The following ARHGEF12 variants were observed in gnomAD, a reference collection of about 807,000 sequenced individuals.
ARHGEF12 encodes KMT2A/ARHGEF12 fusion protein.
In ARHGEF12, 66 loss-of-function variants were observed where a neutral mutation model predicts 211.2. That is an observed-to-expected ratio of 0.31 (90% CI 0.26 to 0.38). The LOEUF (loss-of-function observed/expected upper bound fraction) is 0.38, where lower values mean the gene tolerates loss of function less well. ARHGEF12 is among the 10% of genes least tolerant of loss of function. The pLI, the probability that ARHGEF12 is intolerant of heterozygous loss-of-function variation, is 1.00. For synonymous variants in ARHGEF12, 592 were observed against 638.4 expected (o/e 0.93, Z 1.09); for missense variants, 1,429 against 1,869.5 (o/e 0.76, Z 4.34).
intron 1 of ARHGEF12, among the ~76,000 whole-genome samples, chr11:120,374,142 G>A (rs989077432): frequency 6.6e-6 from 1 of 152,182 alleles, no homozygotes; most frequent in Non-Finnish European, 1.5e-5. Context: ...ATAGCTAAAT[G>A]TCTTTCCATC....
intron 1 of ARHGEF12, among the ~76,000 whole-genome samples, chr11:120,379,315 A>G (rs998117816): frequency 6.6e-6 from 1 of 151,910 alleles, no homozygotes; most frequent in African/African-American, 2.4e-5. Context: ...CTTTTTTTAT[A>G]TAGATCTCTG....
intron 12 of ARHGEF12, 34 bp downstream of exon 12, chr11:120,437,416 C>T: frequency 1.3e-6 from 2 of 1,542,660 alleles, no homozygotes; most frequent in African/African-American, 2.7e-5. Context: ...ATAGTGCTGT[C>T]TTTGGCTTTC....
chr11:120,441,653 G>A (rs2033791342), intron 13 of ARHGEF12, 54 bp from the exon 14 acceptor site: 2 of 1,404,538 alleles, frequency 1.4e-6, no homozygotes, highest in Admixed American at 1.8e-5. Flanking sequence ...AGCCTACTTT[G>A]CATTTAGTAT....
chr11:120,457,076 T>C (rs865859535), intron 22 of ARHGEF12, 42 bp from the exon 23 acceptor site: 1 of 1,585,430 alleles, frequency 6.3e-7, no homozygotes, highest in Middle Eastern at 1.7e-4. Context: ...AGTGACTTTA[T>C]TAAGTATTAA....
rs188539210 is a variant in ARHGEF12 at position 120,436,467 on chromosome 11, G to A, written c.925-841G>A. Among the ~76,000 whole-genome samples, 658 of 152,104 alleles carry A rather than the reference G, an allele frequency of 4.3e-3. 1 individual carries two copies. Among genetic ancestry groups the A allele is most frequent in the Non-Finnish European group, 7.4e-3 (505 of 67,986 alleles). On this transcript the variant is annotated intron_variant, in intron 11 of 40. Coordinates refer to ENST00000397843, the MANE Select transcript of ARHGEF12 (RefSeq NM_015313.3). ...TTCATTGCTCTAAAGAATGTCTCCC[G>A]TTGCTTTGGGGTGTTCCTCATCTCC...
Position 120,451,476 on chromosome 11 carries a change from C to T in ARHGEF12, c.1844-36C>T, listed in dbSNP as rs769767288. 1.9e-5 allele frequency: 30 copies of T among 1,605,768 alleles called. No individual in the cohort carries two copies. In the Middle Eastern group the frequency reaches 8.0e-4, roughly 43 times the overall value. Reference sequence around the variant, plus strand: ...ATAGGCTTGAGCCACCGCACCCAGCCGCAATACAGATTATTAACCATCATT... The same window carrying T: ...ATAGGCTTGAGCCACCGCACCCAGCTGCAATACAGATTATTAACCATCATT... On this transcript the variant is annotated intron_variant, in intron 21 of 40. Coordinates refer to ENST00000397843, the MANE Select transcript of ARHGEF12 (RefSeq NM_015313.3).
At chr11:120,398,338 A>G (rs888745671) in intron 1 of ARHGEF12, among the ~76,000 whole-genome samples, 5 of 152,162 alleles carry the variant, frequency 3.3e-5, no homozygotes, top group Non-Finnish European at 5.9e-5. Context: ...GAATTCCTAA[A>G]ACACTCATCC....
Position 120,481,279 on chromosome 11 carries a change from T to A in ARHGEF12, c.4257T>A (p.Asp1419Glu). The part of the protein sequence containing the change: ...LRISGNYLIL[D>E]GYDPVQESST... The stretch of plus-strand genomic sequence containing the variant: ...CCATAGGAAACTATTTGATCCTTGA[T>A]GGCTATGACCCAGTGCAGGAGAGTT... Residue 1419 changes from aspartate (D) to glutamate (E), a missense_variant, in exon 39 of 41, where the codon GAT becomes GAA. Physicochemically the swap from Asp to Glu is conservative, Grantham distance 45 (BLOSUM62 2). Coordinates refer to ENST00000397843, the MANE Select transcript of ARHGEF12 (RefSeq NM_015313.3). The A allele has an allele frequency of 6.2e-7, 1 of 1,614,150 alleles. No homozygotes were observed. The highest frequency in any genetic ancestry group is 8.5e-7 in the Non-Finnish European group (1 of 1,179,974).
rs1946052207 is a variant in ARHGEF12, at chr11:120,446,531, T to C, written c.1451+23T>C. 2.6e-6 allele frequency: 4 copies of C among 1,538,764 alleles called. No individual in the cohort carries two copies. The African/African-American group carries it at 5.6e-5, about 21-fold the overall frequency. ...TCGGTAAGCTTAGTGGTAGATAGAA[T>C]TTCATATGATTATTCTAAATTAATT... On this transcript the variant is annotated intron_variant, in intron 17 of 40. Transcript: ENST00000397843.
intron 21 of ARHGEF12, chr11:120,450,839 AATGAACACAGCTCC>A (rs1946189227): frequency 6.6e-6 from 1 of 152,220 alleles, no homozygotes; most frequent in Non-Finnish European, 1.5e-5. Context: ...CATTCTTACA[AATGAACACAGCTCC>A]ATGTCTCTCA....
At chr11:120,395,264 C>G (rs1944347580) in intron 1 of ARHGEF12, among the ~76,000 whole-genome samples, 1 of 151,658 alleles carries the variant, frequency 6.6e-6, no homozygotes. Context: ...TGTGTAATGA[C>G]CGGGTAGGGT....
chr11:120,462,100 C>G (rs892212315), intron 27 of ARHGEF12, among the ~76,000 whole-genome samples: 3 of 152,196 alleles, frequency 2.0e-5, no homozygotes, highest in African/African-American at 7.2e-5. Context: ...AGAGCCAAAT[C>G]TCAGCTTTTG....
chr11:120,364,784 T>C (rs1277677487), intron 1 of ARHGEF12, among the ~76,000 whole-genome samples: 1 of 152,092 alleles, frequency 6.6e-6, no homozygotes, highest in East Asian at 1.9e-4. Context: ...ATTCATGTGA[T>C]GCTTTTAAAA....
At chr11:120,361,265 C>T (rs895491557) in intron 1 of ARHGEF12, among the ~76,000 whole-genome samples, 1 of 151,882 alleles carries the variant, frequency 6.6e-6, no homozygotes, top group African/African-American at 2.4e-5. Context: ...TGTCAGATTG[C>T]TGGGGACGCA....
chr11:120,350,616 T>A (rs1942906535), intron 1 of ARHGEF12, among the ~76,000 whole-genome samples: 1 of 148,172 alleles, frequency 6.7e-6, no homozygotes, highest in South Asian at 2.1e-4. Flanking sequence ...AAAATGTGGT[T>A]ACTTTCTATC....
intron 28 of ARHGEF12, 55 bp from the exon 29 acceptor site, chr11:120,467,139 A>C (rs1946726053): frequency 9.0e-7 from 1 of 1,105,946 alleles, no homozygotes. Flanking sequence ...AATACATGGT[A>C]CATGTATAAG....
At chr11:120,412,467 T>C (rs1944913517) in intron 4 of ARHGEF12, among the ~76,000 whole-genome samples, 2 of 152,260 alleles carry the variant, frequency 1.3e-5, no homozygotes. Context: ...ATTCCCTTGC[T>C]GGCTTGCAGA....
chr11:120,484,531 G>T (rs1209599538), intron 40 of ARHGEF12, 24 bp downstream of exon 40: 5 of 1,577,360 alleles, frequency 3.2e-6, no homozygotes, highest in Non-Finnish European at 4.4e-6. Flanking sequence ...ATGAGTTCCA[G>T]ACTCTAGACT....
intron 11 of ARHGEF12, among the ~76,000 whole-genome samples, chr11:120,435,417 A>G (rs1443275916): frequency 1.3e-5 from 2 of 151,836 alleles, no homozygotes; most frequent in African/African-American, 4.8e-5. Context: ...ATTATATCAC[A>G]TGAGGATGTG....
Sources: allele counts gnomAD v4.1 joint callset (sites outside exome capture counted in the v4.1 genomes callset), GRCh38; gene constraint gnomAD v4.1.1; transcripts MANE v1.5; gene names NCBI Gene and HGNC (gene_info 2026-07-23, HGNC 2026-07-21).